Variants in ZMYM1 observed in about 807,000 individuals in gnomAD.
ZMYM1 encodes the protein zinc finger MYM-type protein 1.
Under a neutral mutation model 60.0 loss-of-function variants are expected in ZMYM1, and 39 were observed. The ratio of observed to expected loss-of-function variants is 0.65; its 90% confidence interval spans 0.50 to 0.85. The LOEUF (loss-of-function observed/expected upper bound fraction) is 0.85, where lower values mean the gene tolerates loss of function less well. Among genes scored for constraint, ZMYM1 ranks in the 40% least tolerant of loss-of-function variants. ZMYM1 has a pLI of 0.00. For synonymous variants in ZMYM1, 413 were observed against 454.0 expected, an observed-to-expected ratio of 0.91 and a Z score of 1.15; for missense variants, 1,171 against 1,309.5, an observed-to-expected ratio of 0.89 and a Z score of 1.63.
At chr1:35,075,383 G>A (rs1169449823), upstream of ZMYM1, among the ~76,000 whole-genome samples, 1 of 151,888 alleles carries the variant, frequency 6.6e-6, no homozygotes, top group Non-Finnish European at 1.5e-5. Flanking sequence ...CCAGGATGGA[G>A]TGCAATGGCA....
rs777751295 is a variant in ZMYM1 at position 35,113,307 on chromosome 1, G to C, written c.1477G>C (p.Glu493Gln). Residue 493 changes from glutamate to glutamine, a missense_variant, in exon 10 of 10, where the codon GAG (glutamate) becomes CAG (glutamine). Coordinates refer to ENST00000359858, the MANE Select transcript of ZMYM1 (RefSeq NM_024772.5). ...FCQKYFSCGR[E>Q]SFATHGTSNW... ...CCAAAAATATTTTAGCTGTGGAAGA[G>C]AGTCATTTGCAACCCACGGAACTTC... The C allele has an allele frequency of 1.2e-6, 2 of 1,612,980 alleles. No individual in the cohort carries two copies. Among genetic ancestry groups the C allele is most frequent in the Non-Finnish European group, 1.7e-6 (2 of 1,179,284 alleles).
At chr1:35,088,923 T>C (rs1275522560) in intron 1 of ZMYM1, among the ~76,000 whole-genome samples, 4 of 150,724 alleles carry the variant, frequency 2.7e-5, no homozygotes, top group African/African-American at 9.7e-5. Context: ...GCAATTCTAC[T>C]GTCTCAGCCT....
chr1:35,064,309 A>AC (rs1641929666), intron 1 of ZMYM1, among the ~76,000 whole-genome samples: 2 of 111,006 alleles, frequency 1.8e-5, no homozygotes, highest in South Asian at 5.2e-4. Flanking sequence ...AAAAAAAAAA[A>AC]AAAACAAAAA....
intron 6 of ZMYM1, 30 bp downstream of exon 6, chr1:35,104,799 T>G (rs1643831673): frequency 2.5e-6 from 4 of 1,572,136 alleles, no homozygotes; most frequent in Non-Finnish European, 2.6e-6. Context: ...GTTTCTTCTA[T>G]TAACTGGCCT....
chr1:35,070,981 T>C (rs561460589), intron 1 of ZMYM1, among the ~76,000 whole-genome samples: 4 of 152,106 alleles, frequency 2.6e-5, no homozygotes, highest in Non-Finnish European at 5.9e-5. Context: ...ACCTCTCAGG[T>C]TGAAGCAATT....
rs1228998988 is a variant in ZMYM1, at chr1:35,097,522, C to T, written c.375C>T (p.Ala125=). The change falls in exon 4 of 10, where the codon GCC becomes GCT. Residue 125 remains alanine, a synonymous_variant. Transcript: ENST00000359858. The part of the protein sequence containing the change: ...IPCITEYISS[A]SSPVPSKRTC... ...GCATCACTGAATACATTTCATCTGCCAGTTCACCAGTTCCTTCTAAGAGAA... is the reference window on the plus strand; with the variant it reads ...GCATCACTGAATACATTTCATCTGCTAGTTCACCAGTTCCTTCTAAGAGAA... The T allele has an allele frequency of 6.2e-7, 1 of 1,614,084 alleles. No individual in the cohort carries two copies. Among genetic ancestry groups the T allele is most frequent in the Non-Finnish European group, 8.5e-7 (1 of 1,180,034 alleles).
At chr1:35,099,317 AG>A (rs1294921982) in intron 4 of ZMYM1, among the ~76,000 whole-genome samples, 1 of 152,154 alleles carries the variant, frequency 6.6e-6, no homozygotes, top group Non-Finnish European at 1.5e-5. Context: ...TGGGCCATAT[AG>A]TACTCTCTTC....
chr1:35,088,448 ATATATATGTGTGTGTGTGTGTGTGTG>A lies in ZMYM1; in HGVS notation c.-74-5464_-74-5439del, dbSNP rs1234936861. On this transcript the variant is annotated intron_variant, in intron 1 of 9. Transcript: ENST00000359858. ...TGTGTTTATGTGTATATATATATAT[ATATATATGTGTGTGTGTGTGTGTGTG>A]TGTGTGTGTGTGTGTGTGTGTGTGT... Among the ~76,000 whole-genome samples the A allele has an allele frequency of 1.1e-4, 13 of 113,676 alleles. 1 individual carries two copies. The highest frequency in any genetic ancestry group is 5.2e-4 in the African/African-American group (13 of 25,234). The allele number at this position is 113,676 out of a possible 152,430, so 74.6% of individuals were successfully genotyped here. A position where few individuals can be genotyped will look rare whatever the true frequency, so the allele number is the denominator to read the frequency against.
chr1:35,081,327 C>T (rs896226080), intron 1 of ZMYM1, among the ~76,000 whole-genome samples: 4 of 152,116 alleles, frequency 2.6e-5, no homozygotes. Context: ...TTGCTTGTGT[C>T]CATACCACAC....
At chr1:35,093,818 C>T (rs1209620011) in intron 1 of ZMYM1, 96 bp from the exon 2 acceptor site, 1 of 430,148 alleles carries the variant, frequency 2.3e-6, no homozygotes, top group Non-Finnish European at 4.2e-6. Flanking sequence ...AACCTTGATG[C>T]CAAGCTGTCT....
In ZMYM1 at chr1:35,111,779, T is replaced by C; in HGVS notation, c.969T>C (p.Val323=). The C allele has an allele frequency of 2.5e-6, 4 of 1,571,856 alleles. No individual in the cohort carries two copies. The highest frequency in any genetic ancestry group is 3.5e-6 in the Non-Finnish European group (4 of 1,158,344). The change falls in exon 8 of 10, where the codon GTT becomes GTC. Residue 323 remains valine (V), a synonymous_variant. Transcript: ENST00000359858. ...TCTTTTTATTGTTGTCAGTAAGTGT[T>C]GTTTCTGTGGTGCATGATACTTCAA... ...KAKMESSSVS[V]VSVVHDTSTE...
intron 1 of ZMYM1, among the ~76,000 whole-genome samples, chr1:35,089,613 G>T (rs549184055): frequency 9.1e-6 from 1 of 109,786 alleles, no homozygotes; most frequent in Non-Finnish European, 1.9e-5. Flanking sequence ...AATTACTCCT[G>T]TAAGAGGTTT....
rs1310190688 is a variant in ZMYM1 at position 35,088,452 on chromosome 1, ATATG to A, written c.-74-5460_-74-5457del. 2.2e-3 allele frequency among the ~76,000 whole-genome samples: 225 copies of A among 101,632 alleles called. 1 individual carries two copies. The highest frequency in any genetic ancestry group is 0.01 in the African/African-American group (206 of 20,444). The allele number at this position is 101,632 out of a possible 152,430, so 66.7% of individuals were successfully genotyped here. On this transcript the variant is annotated intron_variant, in intron 1 of 9. Coordinates refer to ENST00000359858, the MANE Select transcript of ZMYM1 (RefSeq NM_024772.5). ...TTTATGTGTATATATATATATATAT[ATATG>A]TGTGTGTGTGTGTGTGTGTGTGTGT...
At chr1:35,071,127 T>A (rs1213112607) in intron 1 of ZMYM1, among the ~76,000 whole-genome samples, 2 of 152,270 alleles carry the variant, frequency 1.3e-5, no homozygotes, top group Admixed American at 1.3e-4. Flanking sequence ...CCTCAGATGA[T>A]CCGCCTACCT....
At chr1:35,101,660 C>T (rs1643666159) in intron 4 of ZMYM1, among the ~76,000 whole-genome samples, 1 of 151,664 alleles carries the variant, frequency 6.6e-6, no homozygotes, top group Admixed American at 6.6e-5. Flanking sequence ...ATTAATTCTT[C>T]TGTGGTCTGT....
chr1:35,068,697 T>G (rs1642019095), intron 1 of ZMYM1, among the ~76,000 whole-genome samples: 1 of 150,382 alleles, frequency 6.6e-6, no homozygotes, highest in Non-Finnish European at 1.5e-5. Flanking sequence ...CACACAAAAA[T>G]TAGCTCAAAA....
chr1:35,098,433 CAAG>C (rs1643458276), intron 4 of ZMYM1, among the ~76,000 whole-genome samples: 2 of 152,266 alleles, frequency 1.3e-5, no homozygotes, highest in East Asian at 3.9e-4. Context: ...TTGTTCAGAA[CAAG>C]AAAATCCATA....
intron 4 of ZMYM1, among the ~76,000 whole-genome samples, chr1:35,099,537 A>G (rs1643525741): frequency 6.6e-6 from 1 of 152,178 alleles, no homozygotes; most frequent in African/African-American, 2.4e-5. Context: ...TATAAAAAAT[A>G]TTATATTGTA....
intron 6 of ZMYM1, among the ~76,000 whole-genome samples, chr1:35,106,486 A>G (rs1032730838): frequency 2.0e-5 from 3 of 151,928 alleles, no homozygotes; most frequent in Non-Finnish European, 4.4e-5. Context: ...GCAGGCGCCT[A>G]TAATCCCAAC....
Sources: gnomAD v4.1 joint callset for allele counts (sites outside exome capture counted in the v4.1 genomes callset) on GRCh38, gnomAD v4.1.1 for gene constraint, MANE v1.5 for transcripts, NCBI Gene and HGNC (gene_info 2026-07-23, HGNC 2026-07-21) for gene names.